Variants in ATP2A3 observed in about 807,000 individuals in gnomAD.
ATP2A3 encodes the protein sarcoplasmic/endoplasmic reticulum calcium ATPase 3.
ATP2A3 carries 61 observed loss-of-function variants against 106.8 expected under a neutral mutation model. That is an observed-to-expected ratio of 0.57 (90% CI 0.46 to 0.71). The LOEUF (loss-of-function observed/expected upper bound fraction) is 0.71, where lower values mean the gene tolerates loss of function less well. Among genes scored for constraint, ATP2A3 ranks in the 30% least tolerant of loss-of-function variants. The probability of loss-of-function intolerance (pLI) is 0.00; values close to 1 mark genes in which losing one functional copy is unlikely to be tolerated. For synonymous variants in ATP2A3, 611 were observed against 609.3 expected (o/e 1.00, Z -0.04); for missense variants, 1,201 against 1,423.5 (o/e 0.84, Z 2.52).
At chr17:3,944,463 C>T (rs906860296) in intron 10 of ATP2A3, among the ~76,000 whole-genome samples, 2 of 152,174 alleles carry the variant, frequency 1.3e-5, no homozygotes, top group Admixed American at 6.5e-5. Flanking sequence ...CAGGTTTCCC[C>T]AGCCCTTCAG....
At position 3,926,980 on chromosome 17, in the gene ATP2A3, C is replaced by T; in HGVS notation, c.2981-1539G>A. 1 of 985,482 alleles carries T rather than the reference C, an allele frequency of 1.0e-6. No individual in the cohort carries two copies. Among genetic ancestry groups the T allele is most frequent in the East Asian group, 1.1e-4 (1 of 8,820 alleles). The allele number at this position is 985,482 out of a possible 1,614,324, so 61.0% of individuals were successfully genotyped here. A position where few individuals can be genotyped will look rare whatever the true frequency, so the allele number is the denominator to read the frequency against. On this transcript the variant is annotated intron_variant, in intron 20 of 20. Transcript: ENST00000397041. The surrounding 1 kb of genome is among the most constrained non-coding windows in gnomAD (Gnocchi z 4.6). ...TGAGGACAATGTCCAGGGTCTCTAC[C>T]TTGGCACTCAAGGCCCTTGCCCCTG...
Position 3,926,135 on chromosome 17 carries a change from C to T in ATP2A3, c.2981-694G>A, listed in dbSNP as rs933613398. 1.3e-5 allele frequency among the ~76,000 whole-genome samples: 2 copies of T among 152,190 alleles called. No individual in the cohort carries two copies. The highest frequency in any genetic ancestry group is 6.5e-5 in the Admixed American group (1 of 15,284). On this transcript the variant is annotated intron_variant, in intron 20 of 20. Transcript: ENST00000397041. This position sits in a 1 kb window ranked among gnomAD's most constrained non-coding sequence, Gnocchi z 4.6. ...GACCGCCCCCAGCCCCCAGGGCTGA[C>T]CCAGGATCCAGAATTCTCCCCAGGA...
Position 3,947,902 on chromosome 17 carries a change from G to A in ATP2A3, c.631-47C>T, listed in dbSNP as rs2054209758. ...AAAAAGCTGCTCAGCAGCCAACCAGGGGCCCAGGACCCCTGACTCCTTCAG... is the reference window on the plus strand; with the variant it reads ...AAAAAGCTGCTCAGCAGCCAACCAGAGGCCCAGGACCCCTGACTCCTTCAG... On this transcript the variant is annotated intron_variant, in intron 7 of 20. Coordinates refer to ENST00000397041, the MANE Select transcript of ATP2A3 (RefSeq NM_005173.4). The surrounding 1 kb of genome is among the most constrained non-coding windows in gnomAD (Gnocchi z 7.7). 3.8e-6 allele frequency: 6 copies of A among 1,582,542 alleles called. No homozygotes were observed. The highest frequency in any genetic ancestry group is 5.1e-6 in the Non-Finnish European group (6 of 1,167,290).
At position 3,929,547 on chromosome 17, in the gene ATP2A3, T is replaced by C. The variant is rs2052927799; in HGVS notation, c.2745-102A>G. ...CCTCACCACTTCTCTAGCGGTGCAT[T>C]GCTGTTGCCCGCTCGGCCTGCCAGG... On this transcript the variant is annotated intron_variant, in intron 18 of 20. Coordinates refer to ENST00000397041, the MANE Select transcript of ATP2A3 (RefSeq NM_005173.4). This position sits in a 1 kb window ranked among gnomAD's most constrained non-coding sequence, Gnocchi z 4.3. The C allele has an allele frequency of 9.9e-7, 1 of 1,013,066 alleles. No individual in the cohort carries two copies. Among genetic ancestry groups the C allele is most frequent in the Non-Finnish European group, 1.5e-6 (1 of 678,470 alleles). The allele number at this position is 1,013,066 out of a possible 1,614,324, so 62.8% of individuals were successfully genotyped here.
In ATP2A3 at chr17:3,936,181, T is replaced by C. The variant is rs2053431101; in HGVS notation, c.2524+86A>G. 3 of 1,527,750 alleles carry C rather than the reference T, an allele frequency of 2.0e-6. No individual in the cohort carries two copies. The highest frequency in any genetic ancestry group is 2.7e-5 in the African/African-American group (2 of 73,018). The allele number at this position is 1,527,750 out of a possible 1,614,324, so 94.6% of individuals were successfully genotyped here. A position where few individuals can be genotyped will look rare whatever the true frequency, so the allele number is the denominator to read the frequency against. On this transcript the variant is annotated intron_variant, in intron 16 of 20. Transcript: ENST00000397041. This position sits in a 1 kb window ranked among gnomAD's most constrained non-coding sequence, Gnocchi z 5.4. ...CAGTTTCTACTGGCACAAGCCAGGC[T>C]GAGTCACACTGTCTGCAGCTTGCAA... is the stretch of plus-strand genomic sequence containing the variant.
rs1317855745 is a variant in ATP2A3, at chr17:3,924,617, C to CG, written c.*804dup. 1 of 368,272 alleles carries CG rather than the reference C, an allele frequency of 2.7e-6. No individual in the cohort carries two copies. The highest frequency in any genetic ancestry group is 2.1e-5 in the African/African-American group (1 of 47,342). 22.8% of individuals were successfully genotyped at this position (368,272 alleles called of 1,614,324 possible). ...CAAGTTGGACCTCTGCGTGGCAGAC[C>CG]GGGCGGCAGTGTGACTCTGAACATC... On this transcript the variant is annotated 3_prime_UTR_variant, in exon 21 of 21. Coordinates refer to ENST00000397041, the MANE Select transcript of ATP2A3 (RefSeq NM_005173.4). The surrounding 1 kb of genome is among the most constrained non-coding windows in gnomAD (Gnocchi z 6.4).
Position 3,929,556 on chromosome 17 carries a change from C to T in ATP2A3, c.2745-111G>A. The T allele has an allele frequency of 1.1e-6, 1 of 932,202 alleles. No individual in the cohort carries two copies. The allele number at this position is 932,202 out of a possible 1,614,324, so 57.7% of individuals were successfully genotyped here. A position where few individuals can be genotyped will look rare whatever the true frequency, so the allele number is the denominator to read the frequency against. On this transcript the variant is annotated intron_variant, in intron 18 of 20. Coordinates refer to ENST00000397041, the MANE Select transcript of ATP2A3 (RefSeq NM_005173.4). This position sits in a 1 kb window ranked among gnomAD's most constrained non-coding sequence, Gnocchi z 4.3. The stretch of plus-strand genomic sequence containing the variant: ...TTCTCTAGCGGTGCATTGCTGTTGC[C>T]CGCTCGGCCTGCCAGGGCCTGTCCC...
rs184473633 is a variant in ATP2A3, at chr17:3,954,776, T to C, written c.119-1066A>G. On this transcript the variant is annotated intron_variant, in intron 1 of 20. Transcript: ENST00000397041. ...TCCCAAAGTGCTGGGATTACAGGCG[T>C]GAGCCACCGCCCAGGCCTAGGTGCT... 3.8e-3 allele frequency among the ~76,000 whole-genome samples: 578 copies of C among 152,128 alleles called. 10 individuals are homozygous for C. The highest frequency in any genetic ancestry group is 0.024 in the Admixed American group (373 of 15,282).
Position 3,930,392 on chromosome 17 carries a change from C to T in ATP2A3, c.2653G>A (p.Gly885Ser), listed in dbSNP as rs149912039. 3.3e-5 allele frequency: 54 copies of T among 1,613,810 alleles called. No homozygotes were observed. The highest frequency in any genetic ancestry group is 9.3e-5 in the African/African-American group (7 of 74,946). The change falls in exon 18 of 21, where the codon GGC becomes AGC. Residue 885 changes from glycine to serine, a missense_variant. Transcript: ENST00000397041. The surrounding 1 kb of genome is among the most constrained non-coding windows in gnomAD (Gnocchi z 5.4). ...KCSEDNPLFA[G>S]IDCEVFESRF... Reference sequence around the variant, plus strand: ...GACTCGAACACCTCACAGTCGATGCCGGCAAAGAGCGGGTTGTCTTCGGAG... The same window carrying T: ...GACTCGAACACCTCACAGTCGATGCTGGCAAAGAGCGGGTTGTCTTCGGAG...
intron 9 of ATP2A3, 102 bp from the exon 10 acceptor site, chr17:3,944,908 G>GC (rs55652543): frequency 3.8e-6 from 5 of 1,315,918 alleles, no homozygotes; most frequent in African/African-American, 3.1e-5. Flanking sequence ...TCTTGGCCCC[G>GC]CCCCCAGAAG....
At chr17:3,944,903 GC>G (rs1446091603) in intron 9 of ATP2A3, 97 bp from the exon 10 acceptor site, 2 of 1,340,196 alleles carry the variant, frequency 1.5e-6, no homozygotes, top group Non-Finnish European at 2.0e-6. Flanking sequence ...CCGCCTCTTG[GC>G]CCCGCCCCCA....
At position 3,928,405 on chromosome 17, in the gene ATP2A3, A is replaced by T; in HGVS notation, c.2980+258T>A. ...GCCATGTAGGGGGTGGCAGGTGAAG[A>T]CAGTGAGGCAGTGTGGCCCAAGAGG... On this transcript the variant is annotated intron_variant, in intron 20 of 20. Transcript: ENST00000397041. This position sits in a 1 kb window ranked among gnomAD's most constrained non-coding sequence, Gnocchi z 6.1. 3 of 1,390,310 alleles carry T rather than the reference A, an allele frequency of 2.2e-6. No individual in the cohort carries two copies. The highest frequency in any genetic ancestry group is 2.0e-6 in the Non-Finnish European group (2 of 996,306). The allele number at this position is 1,390,310 out of a possible 1,614,324, so 86.1% of individuals were successfully genotyped here. A position where few individuals can be genotyped will look rare whatever the true frequency, so the allele number is the denominator to read the frequency against.
chr17:3,953,528 T>C lies in ATP2A3; in HGVS notation c.137-99A>G, dbSNP rs1165928842. On this transcript the variant is annotated intron_variant, in intron 2 of 20. Transcript: ENST00000397041. This position sits in a 1 kb window ranked among gnomAD's most constrained non-coding sequence, Gnocchi z 5.1. Reference sequence around the variant, plus strand: ...GAGACCTCCCGGCCCATTCCCTCCCTGCACTCAGAAGAGGGAGAACCCAGG... The same window carrying C: ...GAGACCTCCCGGCCCATTCCCTCCCCGCACTCAGAAGAGGGAGAACCCAGG... 8.0e-6 allele frequency: 12 copies of C among 1,504,440 alleles called. No individual in the cohort carries two copies. In the Admixed American group the frequency reaches 2.0e-4, roughly 25 times the overall value. 93.2% of individuals were successfully genotyped at this position (1,504,440 alleles called of 1,614,324 possible). A position where few individuals can be genotyped will look rare whatever the true frequency, so the allele number is the denominator to read the frequency against.
chr17:3,928,134 T>G lies in ATP2A3; in HGVS notation c.2980+529A>C. The G allele has an allele frequency of 6.3e-7, 1 of 1,599,386 alleles. No individual in the cohort carries two copies. The highest frequency in any genetic ancestry group is 8.6e-7 in the Non-Finnish European group (1 of 1,167,016). On this transcript the variant is annotated intron_variant, in intron 20 of 20. Transcript: ENST00000397041. This position sits in a 1 kb window ranked among gnomAD's most constrained non-coding sequence, Gnocchi z 6.1. ...GCCCACTTCTCTCCAGCCCGACACC[T>G]GCCATCCTGTCCTCTCCACTCCGGG...
rs191611188 is a variant in ATP2A3, at chr17:3,944,147, G to A, written c.1287+557C>T. On this transcript the variant is annotated intron_variant, in intron 10 of 20. Coordinates refer to ENST00000397041, the MANE Select transcript of ATP2A3 (RefSeq NM_005173.4). ...TGACCACATAGGCCTCCCTGGCTTC[G>A]GTCCTCTACTGTCTGTCTGGCCTCC... Among the ~76,000 whole-genome samples, 24 of 152,276 alleles carry A rather than the reference G, an allele frequency of 1.6e-4. No individual in the cohort carries two copies. In the East Asian group the frequency reaches 1.9e-3, roughly 12 times the overall value.
At position 3,924,657 on chromosome 17, in the gene ATP2A3, C is replaced by G. The variant is rs894847852; in HGVS notation, c.*765G>C. 7 of 370,024 alleles carry G rather than the reference C, an allele frequency of 1.9e-5. No homozygotes were observed. The highest frequency in any genetic ancestry group is 1.4e-4 in the African/African-American group (7 of 48,334). The allele number at this position is 370,024 out of a possible 1,614,324, so 22.9% of individuals were successfully genotyped here. ...CTCTGAACATCTCCCGAGCTCAGGA[C>G]GGGGAACCCTGAGTCCAGGAGGCGC... is the stretch of plus-strand genomic sequence containing the variant. On this transcript the variant is annotated 3_prime_UTR_variant, in exon 21 of 21. Transcript: ENST00000397041. This position sits in a 1 kb window ranked among gnomAD's most constrained non-coding sequence, Gnocchi z 6.4.
Position 3,929,398 on chromosome 17 carries a change from G to A in ATP2A3, c.2792C>T (p.Pro931Leu). 6.3e-7 allele frequency: 1 copy of A among 1,588,340 alleles called. No individual in the cohort carries two copies. Among genetic ancestry groups the A allele is most frequent in the Non-Finnish European group, 8.6e-7 (1 of 1,168,222 alleles). ...CATGGCCACAGCCACCAGCAGCCAG[G>A]GGTTCATCCAGGGCGGCATCCGCAG... The part of the protein sequence containing the change: ...SLLRMPPWMN[P>L]WLLVAVAMSM... The change falls in exon 19 of 21, where the codon CCC becomes CTC. Residue 931 changes from proline to leucine, a missense_variant. By Grantham distance (98) the Pro-to-Leu change is moderately conservative (BLOSUM62 -3). This residue lies in a region of ATP2A3 where 935 missense variants were observed against 1,176.7 expected (regional missense o/e 0.79). Coordinates refer to ENST00000397041, the MANE Select transcript of ATP2A3 (RefSeq NM_005173.4). This position sits in a 1 kb window ranked among gnomAD's most constrained non-coding sequence, Gnocchi z 4.3.
Position 3,942,589 on chromosome 17 carries a change from G to A in ATP2A3, c.1545+17C>T. On this transcript the variant is annotated intron_variant, in intron 12 of 20. Transcript: ENST00000397041. The stretch of plus-strand genomic sequence containing the variant: ...CCAGGGCGCGCAGGGGCCCAGGCCA[G>A]CCAGGCAGGCCCCCACCTTCACAAA... The A allele has an allele frequency of 6.2e-7, 1 of 1,607,744 alleles. No homozygotes were observed. Among genetic ancestry groups the A allele is most frequent in the Non-Finnish European group, 8.5e-7 (1 of 1,179,530 alleles).
chr17:3,939,786 T>TTAA lies in ATP2A3; in HGVS notation c.2100+1184_2100+1185insTTA, dbSNP rs1555558101. The stretch of plus-strand genomic sequence containing the variant: ...CTGGGTGACAGAGCGAGACTCTGTC[T>TTAA]AAAAAAAAAAAAAAAAAAAAAAAAA... On this transcript the variant is annotated intron_variant, in intron 14 of 20. Coordinates refer to ENST00000397041, the MANE Select transcript of ATP2A3 (RefSeq NM_005173.4). Among the ~76,000 whole-genome samples, 261 of 50,522 alleles carry TTAA rather than the reference T, an allele frequency of 5.2e-3. 44 individuals carry two copies. Among genetic ancestry groups the TTAA allele is most frequent in the African/African-American group, 0.01 (164 of 16,118 alleles). 33.1% of individuals were successfully genotyped at this position (50,522 alleles called of 152,430 possible). A position where few individuals can be genotyped will look rare whatever the true frequency, so the allele number is the denominator to read the frequency against.
Sources: gnomAD v4.1 joint callset for allele counts (sites outside exome capture counted in the v4.1 genomes callset) on GRCh38, gnomAD v4.1.1 for gene constraint, gnomAD v4.1.1 regional missense constraint, Gnocchi (gnomAD v3.1) non-coding constraint, MANE v1.5 for transcripts, NCBI Gene and HGNC (gene_info 2026-07-23, HGNC 2026-07-21) for gene names.